LRFN5: variants seen among roughly 807,000 people sequenced by gnomAD.
The protein encoded by LRFN5 is leucine rich repeat and fibronectin type III domain containing 5.
In LRFN5, 24 loss-of-function variants were observed where a neutral mutation model predicts 45.6. The observed-to-expected ratio is 0.53, with a 90% CI of 0.38 to 0.74. LRFN5 has a LOEUF of 0.74. Among genes scored for constraint, LRFN5 ranks in the 30% least tolerant of loss-of-function variants. LRFN5 has a pLI of 0.00. For missense variants in LRFN5, 776 were observed against 861.5 expected, an observed-to-expected ratio of 0.90 and a Z score of 1.24; for synonymous variants, 340 against 313.8, an observed-to-expected ratio of 1.08 and a Z score of -0.88.
At position 41,887,574 on chromosome 14, in the gene LRFN5, G is replaced by T; in HGVS notation, c.949G>T (p.Ala317Ser). The change falls in exon 3 of 6, where the codon GCA becomes TCA. Residue 317 changes from alanine (A) to serine (S), a missense_variant. By Grantham distance (99) the Ala-to-Ser change is moderately conservative. Around this residue, in one of 2 missense-constraint regions of LRFN5, gnomAD observed 311 missense variants for 405.1 expected, o/e 0.77. Coordinates refer to ENST00000298119, the MANE Select transcript of LRFN5 (RefSeq NM_152447.5). This position sits in a 1 kb window ranked among gnomAD's most constrained non-coding sequence, Gnocchi z 4.8. ...RCKARGDPEP[A>S]IHWISPEGKL... ...CAAAGCCAGGGGAGACCCTGAGCCT[G>T]CAATTCACTGGATTTCTCCTGAAGG... is the stretch of plus-strand genomic sequence containing the variant. The T allele has an allele frequency of 6.2e-7, 1 of 1,614,204 alleles. No homozygotes were observed. Among genetic ancestry groups the T allele is most frequent in the Non-Finnish European group, 8.5e-7 (1 of 1,180,028 alleles).
chr14:41,857,953 G>A (rs1026256778), intron 2 of LRFN5, among the ~76,000 whole-genome samples: 1 of 152,198 alleles, frequency 6.6e-6, no homozygotes, highest in Non-Finnish European at 1.5e-5. Flanking sequence ...AGGCCAGGGT[G>A]AATGGAATGT....
chr14:41,672,659 C>T (rs780780107), intron 1 of LRFN5, among the ~76,000 whole-genome samples: 3 of 152,110 alleles, frequency 2.0e-5, no homozygotes, highest in Non-Finnish European at 2.9e-5. Context: ...CTCTCTCAAC[C>T]AAAATGTCTC....
chr14:41,736,866 C>G (rs1884459293), intron 1 of LRFN5, among the ~76,000 whole-genome samples: 1 of 152,000 alleles, frequency 6.6e-6, no homozygotes, highest in Non-Finnish European at 1.5e-5. Context: ...TTAAAGCCTA[C>G]CAATCCAAAA....
At chr14:41,794,155 A>G (rs1319380586) in intron 2 of LRFN5, among the ~76,000 whole-genome samples, 6 of 152,028 alleles carry the variant, frequency 3.9e-5, no homozygotes, top group Admixed American at 1.3e-4. Context: ...CTGTCCAGAC[A>G]TTTTACTGTT....
intron 2 of LRFN5, among the ~76,000 whole-genome samples, chr14:41,846,397 A>G (rs1889067908): frequency 6.6e-6 from 1 of 152,194 alleles, no homozygotes; most frequent in African/African-American, 2.4e-5. Context: ...ATTTTGCTAT[A>G]ATCGTATAAT....
chr14:41,628,381 G>C (rs1483392137), intron 1 of LRFN5, among the ~76,000 whole-genome samples: 1 of 152,054 alleles, frequency 6.6e-6, no homozygotes, highest in African/African-American at 2.4e-5. Flanking sequence ...ACGTCTTCCT[G>C]TTCCATAAAG....
chr14:41,618,565 T>C (rs984041938), intron 1 of LRFN5, among the ~76,000 whole-genome samples: 2 of 152,150 alleles, frequency 1.3e-5, no homozygotes, highest in African/African-American at 4.8e-5. Flanking sequence ...CAGATAATTA[T>C]AGTCAGAAGA....
At chr14:41,751,717 A>G (rs4304945) in intron 1 of LRFN5, among the ~76,000 whole-genome samples, 107,923 of 151,956 alleles carry the variant, frequency 0.71, 38,669 homozygotes, top group East Asian at 0.95. Context: ...CATCAGACAG[A>G]ATCCTTAGGA....
At chr14:41,609,206 T>A (rs1197365627) in intron 1 of LRFN5, among the ~76,000 whole-genome samples, 1 of 152,176 alleles carries the variant, frequency 6.6e-6, no homozygotes, top group Non-Finnish European at 1.5e-5. Context: ...AATAAATCCA[T>A]GAAAGAAGTC....
At chr14:41,839,056 C>T (rs1199333898) in intron 2 of LRFN5, among the ~76,000 whole-genome samples, 2 of 152,048 alleles carry the variant, frequency 1.3e-5, no homozygotes, top group East Asian at 3.9e-4. Context: ...TTGTGTCTGT[C>T]TCCTCTCAAG....
intron 2 of LRFN5, among the ~76,000 whole-genome samples, chr14:41,856,843 A>AT (rs1391040903): frequency 2.1e-5 from 3 of 143,770 alleles, no homozygotes; most frequent in African/African-American, 7.7e-5. Flanking sequence ...CGCCCGGCTA[A>AT]TTTTTTGTAT....
At chr14:41,609,135 G>T (rs1248910297) in intron 1 of LRFN5, among the ~76,000 whole-genome samples, 2 of 152,140 alleles carry the variant, frequency 1.3e-5, no homozygotes, top group Non-Finnish European at 1.5e-5. Flanking sequence ...AATACATATT[G>T]TCACGGCTGT....
At chr14:41,893,398 T>C in intron 4 of LRFN5, 1 of 985,212 alleles carries the variant, frequency 1.0e-6, no homozygotes, top group South Asian at 4.7e-5. Context: ...TTATTTTGTT[T>C]TGTTTTGAGA....
intron 1 of LRFN5, among the ~76,000 whole-genome samples, chr14:41,642,230 C>A (rs1566600058): frequency 6.6e-6 from 1 of 152,126 alleles, no homozygotes. Flanking sequence ...AATACACATA[C>A]TGAATCATCT....
intron 4 of LRFN5, 79 bp downstream of exon 4, chr14:41,892,041 A>G (rs1479131607): frequency 9.8e-6 from 15 of 1,534,414 alleles, no homozygotes; most frequent in South Asian, 3.8e-5. Flanking sequence ...AAGGAATACT[A>G]TTGTTATATT....
chr14:41,784,462 C>T (rs949691613), intron 2 of LRFN5, among the ~76,000 whole-genome samples: 18 of 151,612 alleles, frequency 1.2e-4, no homozygotes, highest in South Asian at 2.1e-4. Context: ...TTATTCCTTC[C>T]TCTTTGTCTT....
At chr14:41,888,627 G>T (rs1566506934) in intron 3 of LRFN5, among the ~76,000 whole-genome samples, 1 of 152,052 alleles carries the variant, frequency 6.6e-6, no homozygotes, top group Non-Finnish European at 1.5e-5. Flanking sequence ...TGATTAAGGG[G>T]TATGTGTGCG....
At chr14:41,660,603 T>C (rs1880604202) in intron 1 of LRFN5, among the ~76,000 whole-genome samples, 1 of 152,044 alleles carries the variant, frequency 6.6e-6, no homozygotes, top group African/African-American at 2.4e-5. Flanking sequence ...TTGTCTGTTA[T>C]TCGTGTATAT....
At chr14:41,685,218 T>A (rs921820654) in intron 1 of LRFN5, among the ~76,000 whole-genome samples, 1 of 152,078 alleles carries the variant, frequency 6.6e-6, no homozygotes, top group Admixed American at 6.6e-5. Context: ...TTAGCACAAG[T>A]CCTGGAGAAC....
Sources: allele counts gnomAD v4.1 joint callset (sites outside exome capture counted in the v4.1 genomes callset), GRCh38; gene constraint gnomAD v4.1.1; regional missense constraint gnomAD v4.1.1; non-coding constraint Gnocchi (gnomAD v3.1); transcripts MANE v1.5; gene names NCBI Gene and HGNC (gene_info 2026-07-23, HGNC 2026-07-21).